APOOL: variants seen among roughly 807,000 people sequenced by gnomAD.
APOOL encodes MICOS complex subunit MIC27.
APOOL carries 12 observed loss-of-function variants against 23.1 expected under a neutral mutation model. The ratio of observed to expected loss-of-function variants is 0.52; its 90% CI spans 0.33 to 0.84. APOOL has a LOEUF of 0.84. APOOL is among the 40% of genes least tolerant of loss of function. APOOL has a pLI of 0.02. For missense variants in APOOL, 212 were observed against 199.6 expected (o/e 1.06, Z -0.37); for synonymous variants, 77 against 69.9 (o/e 1.10, Z -0.51).
At chrX:85,070,018 A>G (rs1410717515) in intron 6 of APOOL, among the ~76,000 whole-genome samples, 1 of 112,007 alleles carries the variant, frequency 8.9e-6, no homozygotes, top group Non-Finnish European at 1.9e-5. Flanking sequence ...AGTAAAACTG[A>G]TGCAGCAACT....
At chrX:85,060,495 C>T (rs369134162) in intron 5 of APOOL, among the ~76,000 whole-genome samples, 9 of 109,115 alleles carry the variant, frequency 8.2e-5, no homozygotes, top group African/African-American at 3.0e-4. Flanking sequence ...ATGATATTGA[C>T]TCTTCCTACC....
chrX:85,081,980 G>A lies in APOOL; in HGVS notation c.719-5610G>A, dbSNP rs751513989. Among the ~76,000 whole-genome samples the A allele has an allele frequency of 1.1e-4, 12 of 111,823 alleles. No individual in the cohort carries two copies. The South Asian group carries it at 4.5e-3, about 42-fold the overall frequency. ...GGTCTTCTCTACACTGTTCTAGTTA[G>A]CCATTCATCTAATCTGTTTTCAAGG... On this transcript the variant is annotated intron_variant, in intron 8 of 8. Transcript: ENST00000373173.
chrX:85,054,667 G>A (rs534263310), intron 4 of APOOL, among the ~76,000 whole-genome samples: 2 of 110,540 alleles, frequency 1.8e-5, no homozygotes, highest in South Asian at 7.5e-4. Flanking sequence ...TGTTAGTATT[G>A]GTATTATAAT....
chrX:85,012,964 A>G (rs1033035664), intron 1 of APOOL, among the ~76,000 whole-genome samples: 55 of 111,929 alleles, frequency 4.9e-4, no homozygotes, highest in African/African-American at 1.7e-3. Flanking sequence ...CTGTGAATCC[A>G]TCTGGTCCTG....
Position 85,092,965 on chromosome X carries a change from G to A in APOOL, c.*5287G>A. 2.8e-6 allele frequency: 1 copy of A among 362,558 alleles called. No homozygotes were observed. Among genetic ancestry groups the A allele is most frequent in the Non-Finnish European group, 4.8e-6 (1 of 206,962 alleles). 29.9% of individuals were successfully genotyped at this position (362,558 alleles called of 1,213,427 possible). Reference sequence around the variant, plus strand: ...CCCTTGATAGCAAAAAGGGTGTATAGTGTGGTTGTGGATTATATATAAATC... The same window carrying A: ...CCCTTGATAGCAAAAAGGGTGTATAATGTGGTTGTGGATTATATATAAATC... On this transcript the variant is annotated 3_prime_UTR_variant, in exon 9 of 9. Transcript: ENST00000373173.
At chrX:85,013,958 C>T (rs1020557974) in intron 1 of APOOL, among the ~76,000 whole-genome samples, 3 of 111,406 alleles carry the variant, frequency 2.7e-5, no homozygotes, top group African/African-American at 9.8e-5. Context: ...CTGTCTATCT[C>T]ATTTCTTAGG....
Position 85,074,022 on chromosome X carries a change from A to G in APOOL, c.511A>G (p.Thr171Ala), listed in dbSNP as rs1457656696. ...AKVTAKKVYA[T>A]SQQIFGAVKS... ...GGTAACAGCAAAAAAGGTATATGCT[A>G]CAAGCCAGCAAATTTTTGGAGCAGT... is the stretch of plus-strand genomic sequence containing the variant. The change falls in exon 7 of 9, where the codon ACA (threonine) becomes GCA (alanine). Residue 171 changes from threonine (T) to alanine (A), a missense_variant. Transcript: ENST00000373173. 8.6e-7 allele frequency: 1 copy of G among 1,169,071 alleles called. No individual in the cohort carries two copies. The highest frequency in any genetic ancestry group is 1.8e-5 in the African/African-American group (1 of 56,391).
intron 1 of APOOL, among the ~76,000 whole-genome samples, chrX:85,021,199 C>G (rs1921652502): frequency 9.2e-6 from 1 of 109,080 alleles, no homozygotes. Context: ...GTGGATTGAC[C>G]TCAATGGACC....
chrX:85,071,097 T>C (rs1380702787), intron 6 of APOOL, among the ~76,000 whole-genome samples: 1 of 111,974 alleles, frequency 8.9e-6, no homozygotes, highest in Non-Finnish European at 1.9e-5. Context: ...ATCTCACTTA[T>C]ATGTGAAGGA....
intron 8 of APOOL, among the ~76,000 whole-genome samples, chrX:85,081,132 G>A (rs771436882): frequency 3.5e-4 from 39 of 111,459 alleles, no homozygotes; most frequent in East Asian, 1.7e-3. Context: ...TGATCCTGTC[G>A]TTATGATGTT....
intron 1 of APOOL, 143 bp from the exon 2 acceptor site, chrX:85,046,303 G>A: frequency 2.2e-6 from 1 of 459,683 alleles, no homozygotes; most frequent in Non-Finnish European, 3.6e-6. Flanking sequence ...TCTTAAAAAT[G>A]TCTGAGGTAA....
intron 1 of APOOL, among the ~76,000 whole-genome samples, chrX:85,028,308 C>T (rs1388708626): frequency 9.0e-6 from 1 of 111,613 alleles, no homozygotes; most frequent in Non-Finnish European, 1.9e-5. Context: ...ATTTTGAAAG[C>T]CAATAATGGC....
intron 1 of APOOL, among the ~76,000 whole-genome samples, chrX:85,030,801 G>A (rs975248069): frequency 9.0e-6 from 1 of 111,316 alleles, no homozygotes; most frequent in Non-Finnish European, 1.9e-5. Flanking sequence ...TACATATTAG[G>A]TTAAAATGTA....
chrX:85,018,753 T>G (rs1018703111), intron 1 of APOOL, among the ~76,000 whole-genome samples: 7 of 111,674 alleles, frequency 6.3e-5, no homozygotes, highest in Non-Finnish European at 1.3e-4. Context: ...AATTTCTGTT[T>G]CTTTGTTGAA....
rs745704829 is a variant in APOOL at position 85,091,662 on chromosome X, C to T, written c.*3984C>T. 1.9e-4 allele frequency: 21 copies of T among 111,202 alleles called. No homozygotes were observed. Among genetic ancestry groups the T allele is most frequent in the African/African-American group, 6.8e-4 (21 of 30,672 alleles). The allele number at this position is 111,202 out of a possible 1,213,427, so 9.2% of individuals were successfully genotyped here. On this transcript the variant is annotated 3_prime_UTR_variant, in exon 9 of 9. Transcript: ENST00000373173. ...ATATAGTGTTGTATGTGGTATCTTC[C>T]CTAAGATAAGTACAACCAAAGAGCT...
At position 85,064,092 on chromosome X, in the gene APOOL, G is replaced by C. The variant is rs377641164; in HGVS notation, c.395-3035G>C. On this transcript the variant is annotated intron_variant, in intron 5 of 8. Transcript: ENST00000373173. ...TATTCAGGGATTCAACTTCTTCCTG[G>C]TTCAGTCTTGGGAGGGTGTATGTGT... Among the ~76,000 whole-genome samples, 47 of 110,656 alleles carry C rather than the reference G, an allele frequency of 4.2e-4. No homozygotes were observed. In the South Asian group the frequency reaches 0.018, roughly 42 times the overall value.
intron 5 of APOOL, among the ~76,000 whole-genome samples, chrX:85,063,440 C>T (rs1178210576): frequency 9.0e-6 from 1 of 111,236 alleles, no homozygotes; most frequent in Non-Finnish European, 1.9e-5. Flanking sequence ...TTGTCTTGTG[C>T]CAGTTTTCAA....
chrX:85,050,475 G>A (rs1922726303), intron 2 of APOOL, among the ~76,000 whole-genome samples: 1 of 109,576 alleles, frequency 9.1e-6, no homozygotes, highest in Non-Finnish European at 1.9e-5. Flanking sequence ...GTTTGTTGTT[G>A]GTAGAGGAGC....
At chrX:85,077,061 GTA>G (rs753917488) in intron 8 of APOOL, among the ~76,000 whole-genome samples, 5,611 of 61,656 alleles carry the variant, frequency 0.091, 552 homozygotes, top group African/African-American at 0.29. Context: ...GTATATACAC[GTA>G]TATATATATA....
Sources: allele counts gnomAD v4.1 joint callset (sites outside exome capture counted in the v4.1 genomes callset), GRCh38; gene constraint gnomAD v4.1.1; transcripts MANE v1.5; gene names NCBI Gene and HGNC (gene_info 2026-07-23, HGNC 2026-07-21).